The following ST6GALNAC3 variants were observed in gnomAD, a reference collection of about 807,000 sequenced individuals.
The protein encoded by ST6GALNAC3 is alpha-N-acetylgalactosaminide alpha-2,6-sialyltransferase 3.
A neutral mutation model predicts 32.7 loss-of-function variants in ST6GALNAC3; 25 were observed. The ratio of observed to expected loss-of-function variants is 0.76; its 90% CI spans 0.56 to 1.07. The LOEUF is 1.07. ST6GALNAC3 is among the 50% of genes least tolerant of loss of function. ST6GALNAC3 has a pLI of 0.00. For missense variants in ST6GALNAC3, 355 were observed against 382.4 expected, an observed-to-expected ratio of 0.93 and a Z score of 0.60; for synonymous variants, 129 against 133.1, an observed-to-expected ratio of 0.97 and a Z score of 0.21.
At chr1:76,491,492 A>C (rs749948567) in intron 3 of ST6GALNAC3, among the ~76,000 whole-genome samples, 1 of 152,144 alleles carries the variant, frequency 6.6e-6, no homozygotes, top group Admixed American at 6.5e-5. Flanking sequence ...TGGCTTCCAC[A>C]TGCTGAGTTT....
At position 76,361,063 on chromosome 1, in the gene ST6GALNAC3, T is replaced by C. The variant is rs564589544; in HGVS notation, c.213+47064T>C. The stretch of plus-strand genomic sequence containing the variant: ...AAACATACCTTAGGTTTTGCTTTTT[T>C]TTTTAATTGTTATAAAAAATTAATG... On this transcript the variant is annotated intron_variant, in intron 2 of 4. Transcript: ENST00000328299. 8.5e-5 allele frequency among the ~76,000 whole-genome samples: 13 copies of C among 152,308 alleles called. No individual in the cohort carries two copies. In the South Asian group the frequency reaches 1.5e-3, roughly 17 times the overall value.
Position 76,323,180 on chromosome 1 carries a change from AAC to A in ST6GALNAC3, c.213+9185_213+9186del. 1.3e-5 allele frequency among the ~76,000 whole-genome samples: 2 copies of A among 152,226 alleles called. 1 individual carries two copies. Among genetic ancestry groups the A allele is most frequent in the South Asian group, 4.1e-4 (2 of 4,824 alleles). ...GATAAGGGATTGCAGGCCTGTGTCA[AAC>A]ACAGACTATAAAAATGATTAAGAAT... On this transcript the variant is annotated intron_variant, in intron 2 of 4. Transcript: ENST00000328299.
intron 1 of ST6GALNAC3, among the ~76,000 whole-genome samples, chr1:76,168,284 A>G (rs1449330731): frequency 6.6e-6 from 1 of 152,032 alleles, no homozygotes; most frequent in Non-Finnish European, 1.5e-5. Context: ...TTTTCATGTA[A>G]TTGTATGGTT....
At chr1:76,388,661 C>G (rs1015369240) in intron 2 of ST6GALNAC3, among the ~76,000 whole-genome samples, 13 of 152,146 alleles carry the variant, frequency 8.5e-5, no homozygotes, top group African/African-American at 3.1e-4. Flanking sequence ...TATCCACTGG[C>G]ATTGTACTTG....
chr1:76,577,896 C>T (rs991133754), intron 3 of ST6GALNAC3, among the ~76,000 whole-genome samples: 1 of 152,030 alleles, frequency 6.6e-6, no homozygotes, highest in Non-Finnish European at 1.5e-5. Flanking sequence ...ATGAAGGCAA[C>T]AGACTAATTA....
intron 2 of ST6GALNAC3, among the ~76,000 whole-genome samples, chr1:76,409,921 C>T (rs905428290): frequency 1.3e-5 from 2 of 152,214 alleles, no homozygotes; most frequent in East Asian, 3.9e-4. Flanking sequence ...AGTTTCAATT[C>T]AATAGGCTGT....
chr1:76,218,749 A>C (rs1056553160), intron 1 of ST6GALNAC3, among the ~76,000 whole-genome samples: 6 of 152,168 alleles, frequency 3.9e-5, no homozygotes, highest in Non-Finnish European at 8.8e-5. Flanking sequence ...TGTATGAATT[A>C]AGAGCAAAGG....
intron 3 of ST6GALNAC3, among the ~76,000 whole-genome samples, chr1:76,416,987 T>C (rs1654687526): frequency 6.6e-6 from 1 of 152,084 alleles, no homozygotes; most frequent in African/African-American, 2.4e-5. Context: ...GTAGAAGAAA[T>C]ATGTATATCA....
At chr1:76,570,375 T>C (rs1343376396) in intron 3 of ST6GALNAC3, among the ~76,000 whole-genome samples, 2 of 152,038 alleles carry the variant, frequency 1.3e-5, no homozygotes, top group African/African-American at 2.4e-5. Flanking sequence ...CCTCTTTCCT[T>C]TCTTTCTCTT....
chr1:76,211,760 G>A (rs1012303228), intron 1 of ST6GALNAC3, among the ~76,000 whole-genome samples: 4 of 151,180 alleles, frequency 2.6e-5, no homozygotes, highest in Non-Finnish European at 1.5e-5. Flanking sequence ...ACAGGAAGGG[G>A]AACATCACAC....
At chr1:76,561,587 G>A (rs542212799) in intron 3 of ST6GALNAC3, among the ~76,000 whole-genome samples, 11 of 152,090 alleles carry the variant, frequency 7.2e-5, no homozygotes, top group South Asian at 2.1e-4. Context: ...ACTTCACACC[G>A]GCTTGATGGC....
Position 76,316,093 on chromosome 1 carries a change from G to T in ST6GALNAC3, c.213+2094G>T, listed in dbSNP as rs61771477. Among the ~76,000 whole-genome samples the T allele has an allele frequency of 2.6e-5, 4 of 151,984 alleles. No individual in the cohort carries two copies. In the East Asian group the frequency reaches 7.7e-4, roughly 29 times the overall value. On this transcript the variant is annotated intron_variant, in intron 2 of 4. Coordinates refer to ENST00000328299, the MANE Select transcript of ST6GALNAC3 (RefSeq NM_152996.4). ...AAAGAGATACTAATATACATGAAAC[G>T]CCAGATTGGCAAAAAATTAAGAAGT...
At chr1:76,498,012 A>T (rs918613049) in intron 3 of ST6GALNAC3, among the ~76,000 whole-genome samples, 1 of 152,172 alleles carries the variant, frequency 6.6e-6, no homozygotes, top group African/African-American at 2.4e-5. Flanking sequence ...TTACATACCT[A>T]GGTCACCCTA....
intron 3 of ST6GALNAC3, among the ~76,000 whole-genome samples, chr1:76,512,976 T>TTTCA (rs377058139): frequency 0.43 from 65,393 of 151,544 alleles, 14,528 homozygotes; most frequent in Middle Eastern, 0.49. Context: ...AATATCTATT[T>TTTCA]AGGTATATTG....
intron 1 of ST6GALNAC3, among the ~76,000 whole-genome samples, chr1:76,210,702 C>T (rs1354458956): frequency 6.6e-6 from 1 of 152,196 alleles, no homozygotes; most frequent in African/African-American, 2.4e-5. Flanking sequence ...TGTGTCCTCA[C>T]ATGGACATGG....
intron 1 of ST6GALNAC3, among the ~76,000 whole-genome samples, chr1:76,274,952 C>T (rs568964646): frequency 5.0e-4 from 76 of 152,182 alleles, no homozygotes; most frequent in South Asian, 1.4e-3. Flanking sequence ...CTCTCTGAGA[C>T]TGCAATAAAT....
chr1:76,139,251 C>G (rs571539033), intron 1 of ST6GALNAC3, among the ~76,000 whole-genome samples: 2 of 151,182 alleles, frequency 1.3e-5, no homozygotes, highest in East Asian at 3.9e-4. Flanking sequence ...ATCACACAAA[C>G]ATAAGCACAC....
rs72991879 is a variant in ST6GALNAC3, at chr1:76,607,127, G to A, written c.624-20325G>A. On this transcript the variant is annotated intron_variant, in intron 3 of 4. Coordinates refer to ENST00000328299, the MANE Select transcript of ST6GALNAC3 (RefSeq NM_152996.4). ...ATGGCTCACAGCACTTAGGAAAGCA[G>A]TTTATTCACCATTGCTGGTTTACTA... is the stretch of plus-strand genomic sequence containing the variant. Among the ~76,000 whole-genome samples, 901 of 152,288 alleles carry A rather than the reference G, an allele frequency of 5.9e-3. 5 individuals carry two copies. Among genetic ancestry groups the A allele is most frequent in the African/African-American group, 0.021 (855 of 41,540 alleles).
At chr1:76,210,373 TTATAG>T (rs893767038) in intron 1 of ST6GALNAC3, among the ~76,000 whole-genome samples, 3 of 152,164 alleles carry the variant, frequency 2.0e-5, no homozygotes, top group African/African-American at 7.2e-5. Context: ...TATGCTGAAG[TTATAG>T]TACATTTCTA....
Sources: gnomAD v4.1 joint callset for allele counts (sites outside exome capture counted in the v4.1 genomes callset) on GRCh38, gnomAD v4.1.1 for gene constraint, MANE v1.5 for transcripts, NCBI Gene and HGNC (gene_info 2026-07-23, HGNC 2026-07-21) for gene names.